The following SND1 variants were observed in gnomAD, a reference collection of about 807,000 sequenced individuals.
SND1 encodes staphylococcal nuclease domain-containing protein 1.
Under a neutral mutation model 121.7 loss-of-function variants are expected in SND1, and 38 were observed. The observed-to-expected ratio is 0.31, with a 90% CI of 0.24 to 0.41. The LOEUF is 0.41. Among genes scored for constraint, SND1 ranks in the 10% least tolerant of loss-of-function variants. The probability of loss-of-function intolerance (pLI) is 1.00; values close to 1 mark genes in which losing one functional copy is unlikely to be tolerated. For synonymous variants in SND1, 401 were observed against 447.4 expected (o/e 0.90, Z 1.31); for missense variants, 868 against 1,184.6 (o/e 0.73, Z 3.92).
chr7:127,983,128 A>C (rs773603517), intron 15 of SND1, among the ~76,000 whole-genome samples: 5 of 152,186 alleles, frequency 3.3e-5, no homozygotes, highest in Admixed American at 3.3e-4. Flanking sequence ...CTTACAGTCT[A>C]TGTGTAGTGG....
chr7:127,982,403 C>T (rs1038528919), intron 15 of SND1, among the ~76,000 whole-genome samples: 2 of 152,204 alleles, frequency 1.3e-5, no homozygotes, highest in African/African-American at 4.8e-5. Context: ...GTTCTGACTC[C>T]CCTGACTACA....
chr7:127,975,938 G>A (rs1211196124), intron 15 of SND1, among the ~76,000 whole-genome samples: 1 of 152,138 alleles, frequency 6.6e-6, no homozygotes, highest in Non-Finnish European at 1.5e-5. Flanking sequence ...TTCTGATTTG[G>A]GTCATTGTGA....
intron 16 of SND1, among the ~76,000 whole-genome samples, chr7:128,013,424 G>T (rs527804824): frequency 6.6e-6 from 1 of 152,204 alleles, no homozygotes. Context: ...GTGAATCACC[G>T]AAGGGCTATG....
intron 10 of SND1, among the ~76,000 whole-genome samples, chr7:127,788,797 T>A (rs1443541303): frequency 6.6e-6 from 1 of 152,192 alleles, no homozygotes; most frequent in Admixed American, 6.5e-5. Context: ...GAGTTTCACC[T>A]GCCCACTTCT....
chr7:127,841,290 A>AT (rs1798960902), intron 11 of SND1, among the ~76,000 whole-genome samples: 1 of 151,564 alleles, frequency 6.6e-6, no homozygotes, highest in Non-Finnish European at 1.5e-5. Context: ...AGCAGTGCTG[A>AT]TTTTTTCCCT....
rs573689885 is a variant in SND1 at position 127,816,387 on chromosome 7, T to C, written c.1242+8814T>C. ...TATGTGGCACTGTGCAGGAATTTTC[T>C]TCAGTAACTATAGGAATCCCAGGTG... is the stretch of plus-strand genomic sequence containing the variant. On this transcript the variant is annotated intron_variant, in intron 11 of 23. Transcript: ENST00000354725. Among the ~76,000 whole-genome samples the C allele has an allele frequency of 7.9e-5, 12 of 152,322 alleles. No homozygotes were observed. The East Asian group carries it at 2.3e-3, about 29-fold the overall frequency.
intron 13 of SND1, among the ~76,000 whole-genome samples, chr7:127,899,439 A>C (rs1207146804): frequency 6.6e-6 from 1 of 152,196 alleles, no homozygotes; most frequent in Non-Finnish European, 1.5e-5. Context: ...CTAGAACAAC[A>C]AGTGGAATCA....
intron 17 of SND1, among the ~76,000 whole-genome samples, chr7:128,076,416 G>T (rs1265292952): frequency 6.6e-6 from 1 of 152,210 alleles, no homozygotes; most frequent in African/African-American, 2.4e-5. Flanking sequence ...GCTAGGGCCT[G>T]CCGCCTCCTG....
At chr7:127,877,891 G>A (rs1452209308) in intron 12 of SND1, among the ~76,000 whole-genome samples, 2 of 152,040 alleles carry the variant, frequency 1.3e-5, no homozygotes, top group South Asian at 4.2e-4. Context: ...AAGTTTCAAT[G>A]GGTATGTGCT....
intron 1 of SND1, among the ~76,000 whole-genome samples, chr7:127,685,734 T>TA (rs1193563154): frequency 6.6e-6 from 1 of 152,176 alleles, no homozygotes; most frequent in African/African-American, 2.4e-5. Flanking sequence ...ATTAGATTCT[T>TA]ACGTTTTAAT....
intron 15 of SND1, among the ~76,000 whole-genome samples, chr7:127,987,175 T>C (rs1802410947): frequency 6.6e-6 from 1 of 152,240 alleles, no homozygotes; most frequent in African/African-American, 2.4e-5. Context: ...ATTTACAGTC[T>C]GAGGCCCTGT....
intron 10 of SND1, among the ~76,000 whole-genome samples, chr7:127,753,750 C>T (rs911735175): frequency 6.6e-6 from 1 of 152,146 alleles, no homozygotes; most frequent in African/African-American, 2.4e-5. Context: ...TCTATTATTT[C>T]CTGCCTTCTT....
intron 10 of SND1, among the ~76,000 whole-genome samples, chr7:127,780,106 T>A (rs549164340): frequency 7.9e-5 from 12 of 152,338 alleles, no homozygotes; most frequent in African/African-American, 2.9e-4. Flanking sequence ...GACACTTGTT[T>A]TGAGTGGATG....
intron 16 of SND1, among the ~76,000 whole-genome samples, chr7:128,050,474 G>A (rs922899855): frequency 1.3e-5 from 2 of 152,262 alleles, no homozygotes; most frequent in African/African-American, 2.4e-5. Flanking sequence ...GAGCAGTTCA[G>A]TTACTGCACT....
chr7:128,047,851 CTT>C (rs566167167), intron 16 of SND1, among the ~76,000 whole-genome samples: 4 of 145,406 alleles, frequency 2.8e-5, no homozygotes, highest in African/African-American at 5.0e-5. Flanking sequence ...GAACCTGCAT[CTT>C]TTTTTTTTTT....
intron 10 of SND1, among the ~76,000 whole-genome samples, chr7:127,771,273 A>G (rs181632176): frequency 3.3e-5 from 5 of 152,328 alleles, no homozygotes; most frequent in Admixed American, 1.3e-4. Flanking sequence ...GCATACGTAT[A>G]CTATTGGTTT....
chr7:127,917,660 T>C (rs1459178147), intron 14 of SND1, among the ~76,000 whole-genome samples: 2 of 152,180 alleles, frequency 1.3e-5, no homozygotes, highest in African/African-American at 4.8e-5. Flanking sequence ...TGAGCTCAAG[T>C]GATTCTCCCA....
intron 12 of SND1, among the ~76,000 whole-genome samples, chr7:127,885,890 G>A (rs1014668650): frequency 2.6e-5 from 4 of 152,100 alleles, no homozygotes; most frequent in African/African-American, 9.7e-5. Flanking sequence ...ACTATCAAAA[G>A]TGGAGTTGTC....
At chr7:127,850,560 G>A (rs1365002330) in intron 12 of SND1, among the ~76,000 whole-genome samples, 1 of 152,160 alleles carries the variant, frequency 6.6e-6, no homozygotes, top group African/African-American at 2.4e-5. Flanking sequence ...CATAGTCAAT[G>A]AAAAGAACTG....
Sources: gnomAD v4.1 joint callset for allele counts (sites outside exome capture counted in the v4.1 genomes callset) on GRCh38, gnomAD v4.1.1 for gene constraint, MANE v1.5 for transcripts, NCBI Gene and HGNC (gene_info 2026-07-23, HGNC 2026-07-21) for gene names.